The following SDK1 variants were observed in gnomAD, a reference collection of about 807,000 sequenced individuals.
SDK1 encodes sidekick cell adhesion molecule 1.
A neutral mutation model predicts 245.5 loss-of-function variants in SDK1; 157 were observed. The observed-to-expected ratio is 0.64, with a 90% CI of 0.56 to 0.73. The LOEUF is 0.73. Ranked by LOEUF, SDK1 falls within the 30% of genes least tolerant of loss-of-function variation. SDK1 has a pLI of 0.00. For synonymous variants in SDK1, 1,647 were observed against 1,278.5 expected (o/e 1.29, Z -6.15); for missense variants, 3,583 against 3,002.3 (o/e 1.19, Z -4.52).
intron 1 of SDK1, among the ~76,000 whole-genome samples, chr7:3,576,491 T>C (rs1233084155): frequency 6.6e-6 from 1 of 152,126 alleles, no homozygotes; most frequent in Non-Finnish European, 1.5e-5. Flanking sequence ...TAGAGATGTC[T>C]TGCTCCTTGC....
intron 4 of SDK1, among the ~76,000 whole-genome samples, chr7:3,718,541 A>C (rs1162546913): frequency 3.0e-4 from 10 of 33,124 alleles, no homozygotes; most frequent in African/African-American, 8.2e-4. Flanking sequence ...ATAAATAAAT[A>C]AATAAATAAA....
chr7:3,420,852 C>T (rs957603033), intron 1 of SDK1, among the ~76,000 whole-genome samples: 40 of 152,268 alleles, frequency 2.6e-4, no homozygotes, highest in African/African-American at 9.1e-4. Flanking sequence ...ATTAACCCAT[C>T]ACCAAGTATT....
At chr7:4,171,824 G>C (rs1053015810) in intron 32 of SDK1, among the ~76,000 whole-genome samples, 1 of 152,254 alleles carries the variant, frequency 6.6e-6, no homozygotes, top group African/African-American at 2.4e-5. Context: ...CGGACCTGGG[G>C]CTGCAAGCCC....
chr7:3,975,873 G>T (rs73038434), intron 13 of SDK1, among the ~76,000 whole-genome samples: 2 of 151,802 alleles, frequency 1.3e-5, no homozygotes, highest in Non-Finnish European at 2.9e-5. Context: ...CAGTGGTGCG[G>T]GGGTCCTGGT....
intron 5 of SDK1, among the ~76,000 whole-genome samples, chr7:3,894,862 TTG>T (rs1583523800): frequency 6.6e-6 from 1 of 151,834 alleles, no homozygotes; most frequent in African/African-American, 2.4e-5. Flanking sequence ...GGCTAATTTT[TTG>T]TGTCTTTTAG....
At chr7:3,732,939 C>G (rs1779220471) in intron 4 of SDK1, among the ~76,000 whole-genome samples, 2 of 152,156 alleles carry the variant, frequency 1.3e-5, no homozygotes, top group Non-Finnish European at 2.9e-5. Flanking sequence ...ATCCTGGAGT[C>G]TAGGGAGGCA....
chr7:3,797,553 T>G (rs532528954), intron 4 of SDK1, among the ~76,000 whole-genome samples: 1 of 152,074 alleles, frequency 6.6e-6, no homozygotes, highest in Non-Finnish European at 1.5e-5. Flanking sequence ...TTACTCTATG[T>G]TTTCATACTT....
chr7:3,324,875 A>G (rs998197032), intron 1 of SDK1, among the ~76,000 whole-genome samples: 4 of 152,186 alleles, frequency 2.6e-5, no homozygotes, highest in East Asian at 3.8e-4. Flanking sequence ...CGTTTGAAAG[A>G]AAGTCCTCCC....
At chr7:3,614,097 A>G (rs1415887514) in intron 1 of SDK1, among the ~76,000 whole-genome samples, 1 of 152,168 alleles carries the variant, frequency 6.6e-6, no homozygotes, top group African/African-American at 2.4e-5. Context: ...TATGTAACAA[A>G]CCTGCACATC....
intron 1 of SDK1, among the ~76,000 whole-genome samples, chr7:3,561,671 T>A (rs962428618): frequency 3.9e-5 from 6 of 152,190 alleles, no homozygotes; most frequent in African/African-American, 1.4e-4. Flanking sequence ...TTTCTCCTTA[T>A]ATGGATTATA....
chr7:3,924,916 C>T, intron 5 of SDK1, among the ~76,000 whole-genome samples: 1 of 152,134 alleles, frequency 6.6e-6, no homozygotes, highest in Non-Finnish European at 1.5e-5. Flanking sequence ...GTCTGCCTTC[C>T]TAATAATGGC....
intron 4 of SDK1, among the ~76,000 whole-genome samples, chr7:3,798,656 G>T (rs967838261): frequency 6.6e-6 from 1 of 152,116 alleles, no homozygotes; most frequent in Non-Finnish European, 1.5e-5. Context: ...CACTGGCAGC[G>T]ACAGGGTGGT....
chr7:4,084,598 T>C (rs553949956), intron 22 of SDK1, among the ~76,000 whole-genome samples: 1 of 152,160 alleles, frequency 6.6e-6, no homozygotes, highest in Non-Finnish European at 1.5e-5. Flanking sequence ...GAACATATTT[T>C]CTGAAGCATC....
chr7:3,351,136 A>AT (rs1368333665), intron 1 of SDK1, among the ~76,000 whole-genome samples: 2 of 152,210 alleles, frequency 1.3e-5, no homozygotes, highest in Non-Finnish European at 1.5e-5. Flanking sequence ...TACTGTTGTC[A>AT]TTTTTAATGG....
intron 2 of SDK1, among the ~76,000 whole-genome samples, chr7:3,630,835 C>T (rs1238137751): frequency 6.6e-6 from 1 of 151,816 alleles, no homozygotes; most frequent in Non-Finnish European, 1.5e-5. Flanking sequence ...TTTTTCCAAA[C>T]TTATCCCTTG....
intron 1 of SDK1, among the ~76,000 whole-genome samples, chr7:3,509,502 A>G (rs1429592135): frequency 1.3e-5 from 2 of 152,186 alleles, no homozygotes; most frequent in East Asian, 3.9e-4. Context: ...ATTGCTATGT[A>G]GGGGCTTATT....
chr7:3,499,829 G>A (rs746357468), intron 1 of SDK1, among the ~76,000 whole-genome samples: 5 of 152,112 alleles, frequency 3.3e-5, no homozygotes, highest in Non-Finnish European at 5.9e-5. Flanking sequence ...AGCATAGTCC[G>A]AACAACTAAC....
At chr7:4,015,915 G>A (rs750895447) in intron 16 of SDK1, among the ~76,000 whole-genome samples, 4 of 152,178 alleles carry the variant, frequency 2.6e-5, no homozygotes, top group African/African-American at 4.8e-5. Flanking sequence ...GAATGCTCTC[G>A]GAAACTCCTG....
chr7:3,984,601 G>A lies in SDK1; in HGVS notation c.1995-2585G>A, dbSNP rs191351476. Among the ~76,000 whole-genome samples the A allele has an allele frequency of 4.6e-5, 7 of 152,186 alleles. No homozygotes were observed. The East Asian group carries it at 9.7e-4, about 21-fold the overall frequency. ...CTTATAGCATATGGTCACCTGGCCC[G>A]AGAATGTCTGTTTTGCAAGGTTTGT... On this transcript the variant is annotated intron_variant, in intron 13 of 44. Coordinates refer to ENST00000404826, the MANE Select transcript of SDK1 (RefSeq NM_152744.4).
Sources: gnomAD v4.1 joint callset for allele counts (sites outside exome capture counted in the v4.1 genomes callset) on GRCh38, gnomAD v4.1.1 for gene constraint, MANE v1.5 for transcripts, NCBI Gene and HGNC (gene_info 2026-07-23, HGNC 2026-07-21) for gene names.